The following ARL17A variants were observed in gnomAD, a reference collection of about 807,000 sequenced individuals.
ARL17A encodes the protein ADP-ribosylation factor-like 17-like.
chr17:46,568,509 A>AG (rs1450726028), intron 3 of ARL17A, among the ~76,000 whole-genome samples: 1 of 120,368 alleles, frequency 8.3e-6, no homozygotes, highest in African/African-American at 3.3e-5. Flanking sequence ...AAAAAAAAAA[A>AG]AAAGAGGGGG....
chr17:46,541,813 A>G (rs564758452), intron 3 of ARL17A, among the ~76,000 whole-genome samples: 2 of 151,156 alleles, frequency 1.3e-5, no homozygotes, highest in African/African-American at 4.9e-5. Flanking sequence ...TACAAACATT[A>G]TGTCATTTCA....
chr17:46,539,798 ACAACTTGAATTATGATGAG>A (rs2054971145), intron 3 of ARL17A, among the ~76,000 whole-genome samples: 1 of 147,774 alleles, frequency 6.8e-6, no homozygotes, highest in Non-Finnish European at 1.5e-5. Flanking sequence ...AAATAGATGA[ACAACTTGAATTATGATGAG>A]CAACTTGAAT....
At chr17:46,543,787 G>A (rs1317132767) in intron 3 of ARL17A, among the ~76,000 whole-genome samples, 1 of 150,780 alleles carries the variant, frequency 6.6e-6, no homozygotes, top group Non-Finnish European at 1.5e-5. Context: ...AGGCTTAAAG[G>A]AAAAAAAGAA....
chr17:46,500,701 C>T, the ARL17A span, among the ~76,000 whole-genome samples: 1 of 150,960 alleles, frequency 6.6e-6, no homozygotes, highest in Middle Eastern at 3.4e-3. Context: ...TTGTTTTTTT[C>T]TTTTTTTTCC....
In ARL17A at chr17:46,521,228, G is replaced by A. The variant is rs990442485; in HGVS notation, c.260-3995C>T. Among the ~76,000 whole-genome samples the A allele has an allele frequency of 1.4e-4, 8 of 58,810 alleles. No homozygotes were observed. In the East Asian group the frequency reaches 2.2e-3, roughly 16 times the overall value. 38.6% of individuals were successfully genotyped at this position (58,810 alleles called of 152,430 possible). ...TATGAATGCTTGATTCTTACCCTTT[G>A]TCCATAGAGGTGTGTATGTCATTAA... On this transcript the variant is annotated intron_variant, in intron 3 of 4. Transcript: ENST00000445552.
Position 46,552,773 on chromosome 17 carries a change from A to G in ARL17A, c.*4583T>C, listed in dbSNP as rs2056912327. 1 of 109,516 alleles carries G rather than the reference A, an allele frequency of 9.1e-6. No homozygotes were observed. Among genetic ancestry groups the G allele is most frequent in the South Asian group, 3.3e-4 (1 of 3,072 alleles). 6.8% of individuals were successfully genotyped at this position (109,516 alleles called of 1,614,324 possible). A position where few individuals can be genotyped will look rare whatever the true frequency, so the allele number is the denominator to read the frequency against. On this transcript the variant is annotated 3_prime_UTR_variant, in exon 4 of 4. Transcript: ENST00000336125. Reference sequence around the variant, plus strand: ...CAACTGTCAACAATGTACAATATGTATACATTTTATTAGTGATGACTTAAA... The same window carrying G: ...CAACTGTCAACAATGTACAATATGTGTACATTTTATTAGTGATGACTTAAA...
At chr17:46,549,230 A>G (rs1284004993), downstream of ARL17A, 1 of 1,611,110 alleles carries the variant, frequency 6.2e-7, no homozygotes, top group African/African-American at 1.4e-5. Flanking sequence ...TCCTTAGGAG[A>G]CCTGAGTCCT....
chr17:46,534,709 G>T (rs1310637517), intron 4 of ARL17A, among the ~76,000 whole-genome samples: 1 of 150,022 alleles, frequency 6.7e-6, no homozygotes, highest in Non-Finnish European at 1.5e-5. Flanking sequence ...TGAGCTGTTG[G>T]GTACACCTCC....
At chr17:46,558,972 C>T (rs1399276104) in intron 3 of ARL17A, 3 of 105,350 alleles carry the variant, frequency 2.8e-5, no homozygotes, top group Non-Finnish European at 1.8e-5. Flanking sequence ...GTCCCCGCGC[C>T]CGGCAAAGCC....
chr17:46,550,740 T>A (rs547121655), downstream of ARL17A, among the ~76,000 whole-genome samples: 454 of 116,706 alleles, frequency 3.9e-3, no homozygotes, highest in Middle Eastern at 0.027. Context: ...ATTGAAACCA[T>A]GTGAATCCCA....
chr17:46,543,933 A>G (rs2055889491), intron 3 of ARL17A, among the ~76,000 whole-genome samples: 2 of 145,604 alleles, frequency 1.4e-5, no homozygotes, highest in African/African-American at 2.8e-5. Flanking sequence ...CCTGGACAAC[A>G]TGGTGAAACC....
rs1167327107 is a variant in ARL17A at position 46,558,844 on chromosome 17, T to G, written c.260-1214A>C. On this transcript the variant is annotated intron_variant, in intron 3 of 3. Transcript: ENST00000336125. ...AAGGGACCTCTTTTATTCTTTTTTT[T>G]TTTTTTTTTTTTTTTTCAGAGACGG... is the stretch of plus-strand genomic sequence containing the variant. The G allele has an allele frequency of 1.6e-5, 2 of 125,812 alleles. 1 individual carries two copies. Among genetic ancestry groups the G allele is most frequent in the African/African-American group, 6.3e-5 (2 of 31,518 alleles). The allele number at this position is 125,812 out of a possible 1,614,324, so 7.8% of individuals were successfully genotyped here. A position where few individuals can be genotyped will look rare whatever the true frequency, so the allele number is the denominator to read the frequency against.
chr17:46,502,910 C>T, the ARL17A span, among the ~76,000 whole-genome samples: 21 of 150,718 alleles, frequency 1.4e-4, no homozygotes, highest in Admixed American at 3.3e-4. Flanking sequence ...TAGCACTCAA[C>T]GTTTAAAAAT....
chr17:46,548,042 T>C, downstream of ARL17A: 2 of 75,916 alleles, frequency 2.6e-5, no homozygotes, highest in East Asian at 5.5e-4. Context: ...GCAATTGGCC[T>C]CTGGGGATCA....
the ARL17A span, among the ~76,000 whole-genome samples, chr17:46,501,763 C>G: frequency 6.6e-6 from 1 of 151,234 alleles, no homozygotes; most frequent in Non-Finnish European, 1.5e-5. Flanking sequence ...ATTTCAATTC[C>G]TGATTGGCTA....
At chr17:46,503,191 G>A in the ARL17A span, among the ~76,000 whole-genome samples, 1 of 128,662 alleles carries the variant, frequency 7.8e-6, no homozygotes, top group African/African-American at 3.1e-5. Context: ...CAGCCTGGGC[G>A]ACAGAGGGAG....
the ARL17A span, among the ~76,000 whole-genome samples, chr17:46,500,557 T>A: frequency 6.6e-6 from 1 of 150,464 alleles, no homozygotes; most frequent in Non-Finnish European, 1.5e-5. Context: ...CAAACTTTAA[T>A]GACCATAGAA....
chr17:46,549,338 A>C (rs1169636194), downstream of ARL17A: 1 of 1,601,644 alleles, frequency 6.2e-7, no homozygotes, highest in Non-Finnish European at 8.5e-7. Flanking sequence ...TTTGAAGAAA[A>C]TGATTTTATG....
chr17:46,544,934 C>T (rs1308472087), intron 3 of ARL17A, among the ~76,000 whole-genome samples: 5 of 140,230 alleles, frequency 3.6e-5, no homozygotes, highest in East Asian at 2.1e-4. Flanking sequence ...TTTCATGACA[C>T]TGGCATTTTT....
Sources: allele counts gnomAD v4.1 joint callset (sites outside exome capture counted in the v4.1 genomes callset), GRCh38; gene constraint gnomAD v4.1.1; transcripts MANE v1.5; gene names NCBI Gene and HGNC (gene_info 2026-07-23, HGNC 2026-07-21).